RASSF2: variants seen among roughly 807,000 people sequenced by gnomAD.
The protein encoded by RASSF2 is Ras association domain family member 2.
RASSF2 carries 34 observed loss-of-function variants against 46.3 expected under a neutral mutation model. That is an observed-to-expected ratio of 0.73 (90% confidence interval 0.56 to 0.98). The LOEUF is 0.98. Ranked by LOEUF, RASSF2 falls within the 50% of genes least tolerant of loss-of-function variation. The pLI is 0.00. For missense variants in RASSF2, 364 were observed against 431.2 expected, an observed-to-expected ratio of 0.84 and a Z score of 1.38; for synonymous variants, 158 against 162.5, an observed-to-expected ratio of 0.97 and a Z score of 0.21.
rs1478886634 is a variant in RASSF2 at position 4,780,980 on chromosome 20, A to G, written c.*3293T>C. 7.2e-6 allele frequency: 1 copy of G among 139,522 alleles called. No homozygotes were observed. Among genetic ancestry groups the G allele is most frequent in the Non-Finnish European group, 1.6e-5 (1 of 61,808 alleles). 8.6% of individuals were successfully genotyped at this position (139,522 alleles called of 1,614,324 possible). A position where few individuals can be genotyped will look rare whatever the true frequency, so the allele number is the denominator to read the frequency against. On this transcript the variant is annotated 3_prime_UTR_variant, in exon 12 of 12. Coordinates refer to ENST00000379400, the MANE Select transcript of RASSF2 (RefSeq NM_014737.3). The stretch of plus-strand genomic sequence containing the variant: ...CCAGACTCTGTCTCAAAAAAAAAAA[A>G]AAGAAAGAAAGAAACCTCTCTCGGC...
At position 4,787,652 on chromosome 20, in the gene RASSF2, A is replaced by T. The variant is rs1387804184; in HGVS notation, c.794T>A (p.Val265Glu). ...SKVFLMEKDQ[V>E]EEVTYDVAQY... Reference sequence around the variant, plus strand: ...ACTCACGTCGTAGGTGACTTCCTCCACCTGGTCCTTCTCCATTAGGAACAC... The same window carrying T: ...ACTCACGTCGTAGGTGACTTCCTCCTCCTGGTCCTTCTCCATTAGGAACAC... The change falls in exon 10 of 12, where the codon GTG becomes GAG. Residue 265 changes from valine to glutamate, a missense_variant. Val to Glu is a moderately radical substitution (Grantham distance 121, BLOSUM62 -2). Transcript: ENST00000379400. The T allele has an allele frequency of 1.9e-6, 3 of 1,614,144 alleles. No individual in the cohort carries two copies.
At chr20:4,807,205 G>C (rs1331923109) in intron 2 of RASSF2, among the ~76,000 whole-genome samples, 1 of 151,986 alleles carries the variant, frequency 6.6e-6, no homozygotes. Flanking sequence ...GGGGAAGACA[G>C]GGAAGTGAAA....
In RASSF2 at chr20:4,790,697, C is replaced by G; in HGVS notation, c.377-86G>C. On this transcript the variant is annotated intron_variant, in intron 6 of 11. Transcript: ENST00000379400. This position sits in a 1 kb window ranked among gnomAD's most constrained non-coding sequence, Gnocchi z 4.3. ...CCAATTTGTGGCCAGTGCGACAGCA[C>G]CCACTGTCTCCACAAATATATATTT... is the stretch of plus-strand genomic sequence containing the variant. 1 of 969,814 alleles carries G rather than the reference C, an allele frequency of 1.0e-6. No homozygotes were observed. The highest frequency in any genetic ancestry group is 2.0e-5 in the South Asian group (1 of 50,486). 60.1% of individuals were successfully genotyped at this position (969,814 alleles called of 1,614,324 possible).
intron 2 of RASSF2, among the ~76,000 whole-genome samples, chr20:4,808,779 A>T (rs1206138202): frequency 6.6e-6 from 1 of 152,198 alleles, no homozygotes; most frequent in Non-Finnish European, 1.5e-5. Context: ...GCTATCTCTC[A>T]AAAATCATTT....
At chr20:4,805,221 G>A (rs1415983001) in intron 2 of RASSF2, among the ~76,000 whole-genome samples, 3 of 152,114 alleles carry the variant, frequency 2.0e-5, no homozygotes, top group Non-Finnish European at 2.9e-5. Context: ...ATCTTGAAAC[G>A]AAGAGACTAT....
intron 2 of RASSF2, among the ~76,000 whole-genome samples, chr20:4,802,907 TATATA>T (rs1568574059): frequency 1.8e-4 from 14 of 77,618 alleles, no homozygotes; most frequent in Admixed American, 1.3e-3. Context: ...CATATATATA[TATATA>T]TATTTTTTTT....
At position 4,820,935 on chromosome 20, in the gene RASSF2, A is replaced by G. The variant is rs961854612; in HGVS notation, c.-33+1394T>C. Among the ~76,000 whole-genome samples the G allele has an allele frequency of 5.9e-5, 9 of 152,116 alleles. No individual in the cohort carries two copies. In the East Asian group the frequency reaches 1.7e-3, roughly 29 times the overall value. On this transcript the variant is annotated intron_variant, in intron 2 of 11. Transcript: ENST00000379400. ...CCAAAATATCCTAAAGAGGACTGAA[A>G]GTAATAATCAGGCCCATGTTCTTTT... is the stretch of plus-strand genomic sequence containing the variant.
intron 11 of RASSF2, 144 bp from the exon 12 acceptor site, chr20:4,784,486 C>T: frequency 1.5e-6 from 1 of 651,940 alleles, no homozygotes; most frequent in African/African-American, 1.8e-5. Flanking sequence ...ATTACTGACC[C>T]CTCTTTAGCT....
At chr20:4,817,643 C>A (rs1362223559) in intron 2 of RASSF2, among the ~76,000 whole-genome samples, 1 of 152,120 alleles carries the variant, frequency 6.6e-6, no homozygotes, top group South Asian at 2.1e-4. Flanking sequence ...CCCCACCTCT[C>A]CAGGCCTCCT....
chr20:4,809,969 A>G (rs1004176953), intron 2 of RASSF2, among the ~76,000 whole-genome samples: 1 of 152,204 alleles, frequency 6.6e-6, no homozygotes, highest in Admixed American at 6.5e-5. Flanking sequence ...TTCTCAGGAA[A>G]CGTGTGCCGC....
At chr20:4,818,650 A>C (rs1928489686) in intron 2 of RASSF2, among the ~76,000 whole-genome samples, 1 of 152,218 alleles carries the variant, frequency 6.6e-6, no homozygotes, top group Non-Finnish European at 1.5e-5. Context: ...CCCTACCAAG[A>C]GCCGGGTGTT....
At position 4,790,811 on chromosome 20, in the gene RASSF2, A is replaced by G. The variant is rs1304803329; in HGVS notation, c.377-200T>C. ...AGGAAAAGTTCAGAGAACAGACTTC[A>G]GAGCCGGACTCCCTGGGTTCAAATC... On this transcript the variant is annotated intron_variant, in intron 6 of 11. Coordinates refer to ENST00000379400, the MANE Select transcript of RASSF2 (RefSeq NM_014737.3). This position sits in a 1 kb window ranked among gnomAD's most constrained non-coding sequence, Gnocchi z 4.3. Among the ~76,000 whole-genome samples the G allele has an allele frequency of 6.6e-6, 1 of 152,248 alleles. No homozygotes were observed. Among genetic ancestry groups the G allele is most frequent in the Non-Finnish European group, 1.5e-5 (1 of 68,038 alleles).
chr20:4,820,076 TC>T (rs1471153743), intron 2 of RASSF2, among the ~76,000 whole-genome samples: 1 of 152,174 alleles, frequency 6.6e-6, no homozygotes, highest in East Asian at 1.9e-4. Flanking sequence ...CCACCCTCCT[TC>T]CCTGGTGCCT....
At chr20:4,785,923 T>C (rs58378773) in intron 11 of RASSF2, among the ~76,000 whole-genome samples, 14,879 of 152,252 alleles carry the variant, frequency 0.098, 794 homozygotes, top group East Asian at 0.15. Flanking sequence ...ACCTTCCCTA[T>C]TTCTGCATCT....
intron 3 of RASSF2, 138 bp from the exon 4 acceptor site, chr20:4,798,223 C>T: frequency 3.8e-6 from 5 of 1,328,516 alleles, no homozygotes; most frequent in Non-Finnish European, 5.0e-6. Flanking sequence ...CATACACACA[C>T]ATGCACATGC....
Position 4,812,850 on chromosome 20 carries a change from C to T in RASSF2, c.-33+9479G>A, listed in dbSNP as rs570750458. The stretch of plus-strand genomic sequence containing the variant: ...GCTCCTGTGGCTCTCTGGCTGAGCG[C>T]TGGATCTGAGAGGGCCACTATGCGA... On this transcript the variant is annotated intron_variant, in intron 2 of 11. Coordinates refer to ENST00000379400, the MANE Select transcript of RASSF2 (RefSeq NM_014737.3). This position sits in a 1 kb window ranked among gnomAD's most constrained non-coding sequence, Gnocchi z 4.0. Among the ~76,000 whole-genome samples, 2 of 152,304 alleles carry T rather than the reference C, an allele frequency of 1.3e-5. No individual in the cohort carries two copies. The highest frequency in any genetic ancestry group is 2.9e-5 in the Non-Finnish European group (2 of 68,024).
intron 2 of RASSF2, among the ~76,000 whole-genome samples, chr20:4,803,782 G>A (rs560189645): frequency 2.0e-5 from 3 of 149,816 alleles, no homozygotes; most frequent in African/African-American, 7.4e-5. Flanking sequence ...AATAAGGCCA[G>A]GCGCAGTGGC....
In RASSF2 at chr20:4,795,914, C is replaced by T. The variant is rs748168721; in HGVS notation, c.188G>A (p.Arg63His). The change falls in exon 5 of 12, where the codon CGC becomes CAC. Residue 63 changes from arginine (R) to histidine (H), a missense_variant. Transcript: ENST00000379400. The surrounding 1 kb of genome is among the most constrained non-coding windows in gnomAD (Gnocchi z 4.0). ...EGLLNISWGL[R>H]RPIRLQMQDD... ...CTGCATCTGCAGGCGAATGGGCCGG[C>T]GCAGGCCCCAGGAGATGTTCAGGAG... 49 of 1,596,958 alleles carry T rather than the reference C, an allele frequency of 3.1e-5. No individual in the cohort carries two copies. Among genetic ancestry groups the T allele is most frequent in the Non-Finnish European group, 3.8e-5 (45 of 1,170,196 alleles).
At chr20:4,789,008 C>A (rs561012112) in intron 8 of RASSF2, among the ~76,000 whole-genome samples, 1 of 152,256 alleles carries the variant, frequency 6.6e-6, no homozygotes, top group East Asian at 1.9e-4. Context: ...AACCCAGAGC[C>A]TGTGTTCTTA....
Sources: allele counts gnomAD v4.1 joint callset (sites outside exome capture counted in the v4.1 genomes callset), GRCh38; gene constraint gnomAD v4.1.1; non-coding constraint Gnocchi (gnomAD v3.1); transcripts MANE v1.5; gene names NCBI Gene and HGNC (gene_info 2026-07-23, HGNC 2026-07-21).